AMZ1: variants seen among roughly 807,000 people sequenced by gnomAD.
AMZ1 encodes archaelysin family metallopeptidase 1, also known as archaemetzincin-1.
In AMZ1, 39 loss-of-function variants were observed where a neutral mutation model predicts 29.9. The ratio of observed to expected loss-of-function variants is 1.30; its 90% CI spans 1.01 to 1.70. The LOEUF (loss-of-function observed/expected upper bound fraction) is 1.70, where lower values mean the gene tolerates loss of function less well. Ranked by LOEUF, AMZ1 falls within the 40% of genes most tolerant of loss-of-function variation. The pLI is 0.00. For synonymous variants in AMZ1, 458 were observed against 304.0 expected, an observed-to-expected ratio of 1.51 and a Z score of -5.27; for missense variants, 1,041 against 680.6, an observed-to-expected ratio of 1.53 and a Z score of -5.89.
intron 4 of AMZ1, among the ~76,000 whole-genome samples, chr7:2,750,839 A>G (rs1403523563): frequency 6.6e-6 from 1 of 152,330 alleles, no homozygotes; most frequent in African/African-American, 2.4e-5. Flanking sequence ...GGATATGGCG[A>G]AAGTTTTAGA....
chr7:2,710,530 C>T (rs1788707264), intron 6 of AMZ1, among the ~76,000 whole-genome samples: 1 of 152,198 alleles, frequency 6.6e-6, no homozygotes, highest in East Asian at 1.9e-4. Context: ...GGTTCCCGGA[C>T]CGAGCCTGTC....
chr7:2,681,675 T>C (rs753465105), intron 1 of AMZ1, among the ~76,000 whole-genome samples: 14 of 152,182 alleles, frequency 9.2e-5, no homozygotes, highest in South Asian at 6.2e-4. Context: ...GGAGATGTCA[T>C]TGGAGATTCG....
At chr7:2,681,764 C>T (rs929752352) in intron 1 of AMZ1, among the ~76,000 whole-genome samples, 10 of 152,282 alleles carry the variant, frequency 6.6e-5, no homozygotes, top group African/African-American at 2.4e-4. Context: ...CCTGACTACA[C>T]ACAGCATGAG....
At chr7:2,726,095 A>G (rs574089887) in intron 4 of AMZ1, among the ~76,000 whole-genome samples, 1 of 152,336 alleles carries the variant, frequency 6.6e-6, no homozygotes, top group Admixed American at 6.5e-5. Flanking sequence ...ATTTCAAGCA[A>G]TCATTTCGGA....
rs34455161 is a variant in AMZ1 at position 2,702,932 on chromosome 7, C to T, written c.472+43C>T. The T allele has an allele frequency of 1.4e-5, 22 of 1,532,224 alleles. No individual in the cohort carries two copies. In the East Asian group the frequency reaches 3.6e-4, roughly 25 times the overall value. 94.9% of individuals were successfully genotyped at this position (1,532,224 alleles called of 1,614,324 possible). ...CCGCCGCTCAGGCCAAGGCAGGCCC[C>T]TTCTGGAAGGAAGAGGTGGGAGGAA... On this transcript the variant is annotated intron_variant, in intron 3 of 6. Transcript: ENST00000683327.
rs1788519696 is a variant in AMZ1, at chr7:2,708,615, A to G, written c.500A>G (p.Asn167Ser). 6.2e-7 allele frequency: 1 copy of G among 1,612,956 alleles called. No individual in the cohort carries two copies. The highest frequency in any genetic ancestry group is 1.1e-5 in the South Asian group (1 of 91,068). Residue 167 changes from asparagine (N) to serine (S), a missense_variant, in exon 4 of 7, where the codon AAC (asparagine) becomes AGC (serine). Coordinates refer to ENST00000683327, the MANE Select transcript of AMZ1 (RefSeq NM_001384743.1). ...TDGILSFLKN[N>S]KPGDALCVLG... Reference sequence around the variant, plus strand: ...GGCATCCTGTCCTTCTTGAAGAACAACAAGCCAGGGGACGCGCTGTGTGTG... The same window carrying G: ...GGCATCCTGTCCTTCTTGAAGAACAGCAAGCCAGGGGACGCGCTGTGTGTG...
At position 2,742,608 on chromosome 7, in the gene AMZ1, G is replaced by A. The variant is rs114489186; in HGVS notation, n.551-22104G>A. Among the ~76,000 whole-genome samples, 807 of 152,206 alleles carry A rather than the reference G, an allele frequency of 5.3e-3. 7 individuals are homozygous for A. Among genetic ancestry groups the A allele is most frequent in the African/African-American group, 0.018 (758 of 41,518 alleles). ...GCACTGAGTCTCGCCGGCCCTTTGC[G>A]TTTCCATATTAGTTCTAAAGTCAGC... On this transcript the variant is annotated intron_variant and non_coding_transcript_variant, in intron 4 of 4. Transcript: ENST00000489665.
Position 2,751,595 on chromosome 7 carries a change from C to T in AMZ1, n.551-13117C>T, listed in dbSNP as rs1205408518. Among the ~76,000 whole-genome samples, 3 of 151,988 alleles carry T rather than the reference C, an allele frequency of 2.0e-5. No homozygotes were observed. The East Asian group carries it at 5.8e-4, about 29-fold the overall frequency. ...CAATTAACAAGGCCAAATGTTGGTTCTTTAAAAATGTCAACAGAACTGATA... is the reference window on the plus strand; with the variant it reads ...CAATTAACAAGGCCAAATGTTGGTTTTTTAAAAATGTCAACAGAACTGATA... On this transcript the variant is annotated intron_variant and non_coding_transcript_variant, in intron 4 of 4. Coordinates refer to the AMZ1 transcript ENST00000489665.
At chr7:2,724,788 G>A (rs994440858) in intron 4 of AMZ1, among the ~76,000 whole-genome samples, 1 of 152,214 alleles carries the variant, frequency 6.6e-6, no homozygotes, top group Non-Finnish European at 1.5e-5. Context: ...ACGACTTCCA[G>A]CAAATCACCG....
Position 2,718,511 on chromosome 7 carries a change from G to A in AMZ1, c.*5633G>A, listed in dbSNP as rs73047355. Among the ~76,000 whole-genome samples, 16,767 of 152,252 alleles carry A rather than the reference G, an allele frequency of 0.11. 1,056 individuals carry two copies. Among genetic ancestry groups the A allele is most frequent in the Middle Eastern group, 0.21 (61 of 294 alleles). ...TTTTGTTCAGCCCTGACTCTTGGACGCTGGTGGCAGCCGCGGGCGCCCACT... is the reference window on the plus strand; with the variant it reads ...TTTTGTTCAGCCCTGACTCTTGGACACTGGTGGCAGCCGCGGGCGCCCACT... On this transcript the variant is annotated 3_prime_UTR_variant, in exon 7 of 7. Coordinates refer to ENST00000683327, the MANE Select transcript of AMZ1 (RefSeq NM_001384743.1).
Position 2,714,983 on chromosome 7 carries a change from GCTT to G in AMZ1, c.*2108_*2110del. 6.6e-6 allele frequency: 1 copy of G among 152,426 alleles called. No homozygotes were observed. Among genetic ancestry groups the G allele is most frequent in the Admixed American group, 6.5e-5 (1 of 15,290 alleles). The allele number at this position is 152,426 out of a possible 1,614,324, so 9.4% of individuals were successfully genotyped here. On this transcript the variant is annotated 3_prime_UTR_variant, in exon 7 of 7. Transcript: ENST00000683327. Reference sequence around the variant, plus strand: ...CATCCATACCCTTCTCTTTTGCATGGCTTCTAAAGGGCATGACAGTGACCTGGG... The same window carrying G: ...CATCCATACCCTTCTCTTTTGCATGGCTAAAGGGCATGACAGTGACCTGGG...
At chr7:2,692,893 GCCT>G (rs1444453693) in intron 1 of AMZ1, among the ~76,000 whole-genome samples, 1 of 152,110 alleles carries the variant, frequency 6.6e-6, no homozygotes, top group Non-Finnish European at 1.5e-5. Flanking sequence ...AGCCACACTG[GCCT>G]CCTCCGGCTG....
chr7:2,683,441 G>T (rs998994346), upstream of AMZ1, among the ~76,000 whole-genome samples: 1 of 151,838 alleles, frequency 6.6e-6, no homozygotes, highest in African/African-American at 2.4e-5. Context: ...GTTTGTTTTT[G>T]TTTTTGTTTT....
At chr7:2,691,071 GAGA>G (rs1244708711) in intron 1 of AMZ1, among the ~76,000 whole-genome samples, 3 of 149,010 alleles carry the variant, frequency 2.0e-5, no homozygotes, top group South Asian at 4.3e-4. Flanking sequence ...AACCCTGGAG[GAGA>G]AGGAGGTTGC....
upstream of AMZ1, among the ~76,000 whole-genome samples, chr7:2,763,983 G>A (rs1410200823): frequency 2.0e-5 from 3 of 152,198 alleles, no homozygotes; most frequent in Non-Finnish European, 4.4e-5. Flanking sequence ...CATGAGAACA[G>A]GGTACGCACC....
intron 4 of AMZ1, among the ~76,000 whole-genome samples, chr7:2,744,897 T>C (rs986134033): frequency 2.0e-5 from 3 of 152,092 alleles, no homozygotes; most frequent in African/African-American, 7.2e-5. Context: ...GCCGATGCGA[T>C]GAACTGGAAG....
At chr7:2,762,131 A>T (rs1425730773), upstream of AMZ1, 1 of 153,640 alleles carries the variant, frequency 6.5e-6, no homozygotes, top group Non-Finnish European at 1.4e-5. Flanking sequence ...AAAACAAGAC[A>T]TGCCAAAAAT....
intron 3 of AMZ1, among the ~76,000 whole-genome samples, chr7:2,707,456 C>T (rs968551934): frequency 7.9e-5 from 12 of 152,008 alleles, no homozygotes; most frequent in Admixed American, 7.9e-4. Context: ...GCTGCTCTGC[C>T]CCCTTCCCTC....
At chr7:2,723,626 C>A (rs922692917), downstream of AMZ1, among the ~76,000 whole-genome samples, 15 of 152,204 alleles carry the variant, frequency 9.9e-5, no homozygotes, top group African/African-American at 3.1e-4. Context: ...CCTGCATGCC[C>A]CCTCGGCGCT....
Sources: allele counts gnomAD v4.1 joint callset (sites outside exome capture counted in the v4.1 genomes callset), GRCh38; gene constraint gnomAD v4.1.1; transcripts MANE v1.5; gene names NCBI Gene and HGNC (gene_info 2026-07-23, HGNC 2026-07-21).